Variants in MACROD2 observed in about 807,000 individuals in gnomAD.
MACROD2 encodes the protein ADP-ribose glycohydrolase MACROD2.
A neutral mutation model predicts 70.4 loss-of-function variants in MACROD2; 36 were observed. That is an observed-to-expected ratio of 0.51 (90% CI 0.39 to 0.68). MACROD2 has a LOEUF of 0.68. Among genes scored for constraint, MACROD2 ranks in the 30% least tolerant of loss-of-function variants. The probability of loss-of-function intolerance (pLI) is 0.00; values close to 1 mark genes in which losing one functional copy is unlikely to be tolerated. For missense variants in MACROD2, 496 were observed against 538.4 expected (o/e 0.92, Z 0.78); for synonymous variants, 172 against 178.8 (o/e 0.96, Z 0.30).
At chr20:15,033,744 A>G (rs2123005043) in intron 5 of MACROD2, among the ~76,000 whole-genome samples, 1 of 152,332 alleles carries the variant, frequency 6.6e-6, no homozygotes, top group African/African-American at 2.4e-5. Context: ...GGAAATTAAA[A>G]TAAACAAACC....
chr20:15,521,776 G>A (rs1272455729), intron 8 of MACROD2, among the ~76,000 whole-genome samples: 1 of 152,114 alleles, frequency 6.6e-6, no homozygotes, highest in East Asian at 1.9e-4. Flanking sequence ...AGCTAACACA[G>A]CTCAAAATAA....
intron 5 of MACROD2, among the ~76,000 whole-genome samples, chr20:14,838,885 C>A (rs879416038): frequency 6.6e-6 from 1 of 152,092 alleles, no homozygotes; most frequent in Admixed American, 6.6e-5. Flanking sequence ...CTTCAACTGT[C>A]CTTTATGACA....
chr20:14,757,489 A>G, intron 5 of MACROD2: 2 of 540,748 alleles, frequency 3.7e-6, no homozygotes, highest in Non-Finnish European at 6.7e-6. Flanking sequence ...TAGGCATTAA[A>G]GAAAATAGAT....
At chr20:14,771,213 C>T (rs1344393401) in intron 5 of MACROD2, among the ~76,000 whole-genome samples, 1 of 151,996 alleles carries the variant, frequency 6.6e-6, no homozygotes, top group Non-Finnish European at 1.5e-5. Context: ...ATCATCAGCC[C>T]TCCAGTTCTC....
At chr20:15,989,465 C>T (rs2066528700) in intron 15 of MACROD2, among the ~76,000 whole-genome samples, 2 of 152,256 alleles carry the variant, frequency 1.3e-5, no homozygotes, top group East Asian at 3.9e-4. Flanking sequence ...TTGTCAGTAT[C>T]TCAATCTTCC....
At chr20:14,527,263 G>T (rs11698330) in intron 4 of MACROD2, among the ~76,000 whole-genome samples, 23,776 of 152,116 alleles carry the variant, frequency 0.16, 2,121 homozygotes, top group Non-Finnish European at 0.2. Context: ...GCCTGCTAGG[G>T]TCTCGCAGGT....
intron 6 of MACROD2, among the ~76,000 whole-genome samples, chr20:15,251,769 TAATC>T (rs2077157738): frequency 1.3e-5 from 2 of 152,208 alleles, no homozygotes; most frequent in African/African-American, 4.8e-5. Flanking sequence ...GACTGATTCT[TAATC>T]AAGTTACTAT....
chr20:14,022,048 G>A lies in MACROD2; in HGVS notation c.163+19644G>A, dbSNP rs905128560. Among the ~76,000 whole-genome samples the A allele has an allele frequency of 4.1e-4, 63 of 152,288 alleles. 1 individual carries two copies. The highest frequency in any genetic ancestry group is 4.9e-4 in the Non-Finnish European group (33 of 68,018). The stretch of plus-strand genomic sequence containing the variant: ...ACGGCCATATTTAATTGAAAGAGAG[G>A]CTGAGAAATGTAAAGTAGTTATATG... On this transcript the variant is annotated intron_variant, in intron 2 of 17. Transcript: ENST00000684519.
intron 3 of MACROD2, among the ~76,000 whole-genome samples, chr20:14,112,248 G>A (rs369021371): frequency 1.8e-4 from 28 of 151,988 alleles, no homozygotes; most frequent in African/African-American, 6.3e-4. Context: ...AAGTGGGGAT[G>A]GTTAATGGGC....
intron 5 of MACROD2, among the ~76,000 whole-genome samples, chr20:15,049,429 A>G (rs569665385): frequency 3.1e-4 from 47 of 152,276 alleles, no homozygotes; most frequent in African/African-American, 1.1e-3. Flanking sequence ...TAACAATTCT[A>G]TCTCATCATT....
At chr20:14,513,748 G>A (rs1235765663) in intron 4 of MACROD2, among the ~76,000 whole-genome samples, 1 of 151,946 alleles carries the variant, frequency 6.6e-6, no homozygotes, top group African/African-American at 2.4e-5. Context: ...TTACAACAAA[G>A]CATTTTATGA....
At chr20:15,998,935 G>A (rs1450061891) in intron 15 of MACROD2, among the ~76,000 whole-genome samples, 7 of 151,782 alleles carry the variant, frequency 4.6e-5, no homozygotes, top group Admixed American at 3.3e-4. Context: ...CCTCATTTTT[G>A]TTCATCCTTT....
At chr20:15,678,895 G>A (rs1429332793) in intron 8 of MACROD2, among the ~76,000 whole-genome samples, 3 of 152,148 alleles carry the variant, frequency 2.0e-5, no homozygotes, top group South Asian at 2.1e-4. Context: ...TTCCCATCAT[G>A]GCCAATTTCA....
intron 5 of MACROD2, among the ~76,000 whole-genome samples, chr20:15,178,467 G>T (rs769824695): frequency 2.6e-5 from 4 of 152,200 alleles, no homozygotes; most frequent in Non-Finnish European, 4.4e-5. Context: ...GATTGGAAGT[G>T]GATTTGCCTA....
rs1230863391 is a variant in MACROD2, at chr20:14,938,940, A to ATTTTTTTTTTTTTTTTTTTTTTTT, written c.418+254003_418+254004insTTTTTTTTTTTTTTTTTTTTTTTT. ...GATATTTTTTTCATTGTTAAATCAG[A>ATTTTTTTTTTTTTTTTTTTTTTTT]TTTTTTTTTTTTTTTTTTTTTTACT... is the stretch of plus-strand genomic sequence containing the variant. On this transcript the variant is annotated intron_variant, in intron 5 of 17. Transcript: ENST00000684519. Among the ~76,000 whole-genome samples, 353 of 86,302 alleles carry ATTTTTTTTTTTTTTTTTTTTTTTT rather than the reference A, an allele frequency of 4.1e-3. 12 individuals are homozygous for ATTTTTTTTTTTTTTTTTTTTTTTT. The highest frequency in any genetic ancestry group is 7.0e-3 in the Non-Finnish European group (277 of 39,556). 56.6% of individuals were successfully genotyped at this position (86,302 alleles called of 152,430 possible). A position where few individuals can be genotyped will look rare whatever the true frequency, so the allele number is the denominator to read the frequency against.
chr20:14,075,125 A>G (rs1023226370), intron 2 of MACROD2, among the ~76,000 whole-genome samples: 2 of 152,222 alleles, frequency 1.3e-5, no homozygotes, highest in Non-Finnish European at 2.9e-5. Flanking sequence ...AAGAGAAGCC[A>G]TGAAGTGCTT....
At chr20:15,252,705 A>C (rs1372204674) in intron 6 of MACROD2, among the ~76,000 whole-genome samples, 1 of 152,208 alleles carries the variant, frequency 6.6e-6, no homozygotes, top group Non-Finnish European at 1.5e-5. Flanking sequence ...CAGAAGGATT[A>C]AGAAACTTGG....
chr20:14,369,702 A>G (rs2083305026), intron 3 of MACROD2, among the ~76,000 whole-genome samples: 1 of 152,044 alleles, frequency 6.6e-6, no homozygotes, highest in African/African-American at 2.4e-5. Flanking sequence ...ACTATTTCCT[A>G]TTTACCTTTT....
At chr20:15,695,583 G>T (rs1398818875) in intron 8 of MACROD2, among the ~76,000 whole-genome samples, 1 of 151,836 alleles carries the variant, frequency 6.6e-6, no homozygotes, top group Non-Finnish European at 1.5e-5. Flanking sequence ...GCTAATTTTT[G>T]TATTTTTAGT....
Sources: gnomAD v4.1 joint callset for allele counts (sites outside exome capture counted in the v4.1 genomes callset) on GRCh38, gnomAD v4.1.1 for gene constraint, MANE v1.5 for transcripts, NCBI Gene and HGNC (gene_info 2026-07-23, HGNC 2026-07-21) for gene names.